Variants in RBMXL3 observed in about 807,000 individuals in gnomAD.
RBMXL3 encodes RBMX like 3.
In RBMXL3, 2 loss-of-function variants were observed where a neutral mutation model predicts 0.8. That is an observed-to-expected ratio of 2.54 (90% CI 1.04 to 8.00). The LOEUF (loss-of-function observed/expected upper bound fraction) is 8.00, where lower values mean the gene tolerates loss of function less well. Among genes scored for constraint, RBMXL3 ranks in the 30% most tolerant of loss-of-function variants. The pLI is 0.04. For missense variants in RBMXL3, 1,127 were observed against 1,068.0 expected, an observed-to-expected ratio of 1.06 and a Z score of -0.77; for synonymous variants, 447 against 449.8, an observed-to-expected ratio of 0.99 and a Z score of 0.08.
In RBMXL3 at chrX:115,189,908, A is replaced by T; in HGVS notation, c.467A>T (p.His156Leu). 1 of 1,160,215 alleles carries T rather than the reference A, an allele frequency of 8.6e-7. No homozygotes were observed. Among genetic ancestry groups the T allele is most frequent in the Non-Finnish European group, 1.2e-6 (1 of 869,310 alleles). ...MPRKRGPPPR[H>L]WASPPHKRAT... ...AGGAAGCGCGGGCCGCCACCGCGGC[A>T]CTGGGCCAGCCCACCCCACAAGAGG... Residue 156 changes from histidine to leucine, a missense_variant, in exon 1 of 1, where the codon CAC becomes CTC. By Grantham distance (99) the His-to-Leu change is moderately conservative. Coordinates refer to ENST00000424776, the MANE Select transcript of RBMXL3 (RefSeq NM_001145346.2).
chrX:115,192,264 C>A lies in RBMXL3; in HGVS notation c.2823C>A (p.His941Gln), dbSNP rs1160475663. ...CCAACAACAGTCATGGCCGGAGCCA[C>A]CGCTACGGAGGAGGAGGCCGCTACG... ...NSSNNSHGRS[H>Q]RYGGGGRYEE... Residue 941 changes from histidine to glutamine, a missense_variant, in exon 1 of 1, where the codon CAC (histidine) becomes CAA (glutamine). Transcript: ENST00000424776. 6 of 1,165,054 alleles carry A rather than the reference C, an allele frequency of 5.1e-6. No individual in the cohort carries two copies. The African/African-American group carries it at 1.1e-4, about 21-fold the overall frequency.
Position 115,189,750 on chromosome X carries a change from T to C in RBMXL3, c.309T>C (p.Ser103=), listed in dbSNP as rs2072767656. The part of the protein sequence containing the change: ...RWVPPTPGSG[S]RSRFSHRTRG... ...TCCCGCCAACCCCCGGCAGCGGCAG[T>C]CGCTCAAGGTTCTCACACAGAACCC... is the stretch of plus-strand genomic sequence containing the variant. The change falls in exon 1 of 1, where the codon AGT becomes AGC. Residue 103 remains serine (S), a synonymous_variant. Coordinates refer to ENST00000424776, the MANE Select transcript of RBMXL3 (RefSeq NM_001145346.2). 8.6e-7 allele frequency: 1 copy of C among 1,165,326 alleles called. No individual in the cohort carries two copies. Among genetic ancestry groups the C allele is most frequent in the Non-Finnish European group, 1.1e-6 (1 of 872,027 alleles).
rs782778691 is a variant in RBMXL3 at position 115,192,312 on chromosome X, T to C, written c.2871T>C (p.Pro957=). The C allele has an allele frequency of 5.2e-6, 6 of 1,152,890 alleles. No homozygotes were observed. The Admixed American group carries it at 8.0e-5, about 15-fold the overall frequency. The change falls in exon 1 of 1, where the codon CCT becomes CCC. Residue 957 remains proline, a synonymous_variant. Coordinates refer to ENST00000424776, the MANE Select transcript of RBMXL3 (RefSeq NM_001145346.2). The stretch of plus-strand genomic sequence containing the variant: ...ACGAGGAGTACCGAGGCCCCTCGCC[T>C]GACGCCCACAGTGGGGGCCGCGACA... The part of the protein sequence containing the change: ...GRYEEYRGPS[P]DAHSGGRDSS...
rs782396163 is a variant in RBMXL3 at position 115,190,176 on chromosome X, G to A, written c.735G>A (p.Pro245=). The A allele has an allele frequency of 2.8e-5, 33 of 1,165,197 alleles. No homozygotes were observed. The highest frequency in any genetic ancestry group is 5.7e-5 in the South Asian group (3 of 52,574). ...SGPRVREPLP[P]CRDPGDFVPA... ...CGCGGGTCCGGGAGCCACTGCCCCC[G>A]TGCCGCGACCCTGGGGATTTTGTCC... The change falls in exon 1 of 1, where the codon CCG becomes CCA. Residue 245 remains proline (P), a synonymous_variant. Coordinates refer to ENST00000424776, the MANE Select transcript of RBMXL3 (RefSeq NM_001145346.2).
Position 115,190,807 on chromosome X carries a change from C to A in RBMXL3, c.1366C>A (p.His456Asn). 8.7e-7 allele frequency: 1 copy of A among 1,155,461 alleles called. No homozygotes were observed. The highest frequency in any genetic ancestry group is 1.2e-6 in the Non-Finnish European group (1 of 866,513). Residue 456 changes from histidine to asparagine, a missense_variant, in exon 1 of 1, where the codon CAT (histidine) becomes AAT (asparagine). By Grantham distance (68) the His-to-Asn change is moderately conservative. Coordinates refer to ENST00000424776, the MANE Select transcript of RBMXL3 (RefSeq NM_001145346.2). ...GTCCGACGACGCCTACAGTGGGGGC[C>A]ATGACAGTTCCAGCTGGAGCGACTG... ...GRSDDAYSGG[H>N]DSSSWSDCCG...
At position 115,189,996 on chromosome X, in the gene RBMXL3, G is replaced by A. The variant is rs1556556738; in HGVS notation, c.555G>A (p.Val185=). The change falls in exon 1 of 1, where the codon GTG becomes GTA. Residue 185 remains valine, a synonymous_variant. Coordinates refer to ENST00000424776, the MANE Select transcript of RBMXL3 (RefSeq NM_001145346.2). ...GCGMRGKAPT[V]SGQDGYSGLQ... is the part of the protein sequence containing the mutation. ...GAATGCGCGGGAAGGCACCGACTGT[G>A]TCGGGGCAAGATGGCTACTCAGGCT... The A allele has an allele frequency of 5.2e-6, 6 of 1,162,516 alleles. No homozygotes were observed. In the South Asian group the frequency reaches 1.1e-4, roughly 22 times the overall value.
In RBMXL3 at chrX:115,191,168, A is replaced by G. The variant is rs2072808939; in HGVS notation, c.1727A>G (p.His576Arg). The change falls in exon 1 of 1, where the codon CAC becomes CGC. Residue 576 changes from histidine (H) to arginine (R), a missense_variant. By Grantham distance (29) the His-to-Arg change is conservative (BLOSUM62 0). Coordinates refer to ENST00000424776, the MANE Select transcript of RBMXL3 (RefSeq NM_001145346.2). ...GCSADAYSGG[H>R]DSSSQSNRYG... ...TCTGCCGACGCCTACAGTGGGGGCC[A>G]CGACAGTTCCAGCCAGAGCAACCGC... 10 of 1,165,846 alleles carry G rather than the reference A, an allele frequency of 8.6e-6. No individual in the cohort carries two copies. The highest frequency in any genetic ancestry group is 1.0e-5 in the Non-Finnish European group (9 of 872,480).
At position 115,191,545 on chromosome X, in the gene RBMXL3, T is replaced by C. The variant is rs1230168460; in HGVS notation, c.2104T>C (p.Tyr702His). The change falls in exon 1 of 1, where the codon TAT becomes CAT. Residue 702 changes from tyrosine (Y) to histidine (H), a missense_variant. Transcript: ENST00000424776. ...CGACAGTTCCAGCCAGAGCAACCGC[T>C]ATGGAGGAGGCGGCCGCTACGAGGA... Reference protein sequence around the residue: ...GHDSSSQSNRYGGGGRYEEYR... With the variant: ...GHDSSSQSNRHGGGGRYEEYR... 5.4e-6 allele frequency: 6 copies of C among 1,115,192 alleles called. No homozygotes were observed. Among genetic ancestry groups the C allele is most frequent in the Non-Finnish European group, 7.1e-6 (6 of 845,002 alleles). The allele number at this position is 1,115,192 out of a possible 1,213,427, so 91.9% of individuals were successfully genotyped here.
rs1556561418 is a variant in RBMXL3 at position 115,192,482 on chromosome X, G to A, written c.3041G>A (p.Gly1014Asp). 19 of 1,171,121 alleles carry A rather than the reference G, an allele frequency of 1.6e-5. 1 individual carries two copies. The highest frequency in any genetic ancestry group is 2.2e-5 in the Non-Finnish European group (19 of 875,021). Reference sequence around the variant, plus strand: ...GGCCGGAGCGACCGCTACTCGAGGGGTCGAGACCGGGTAGGCAGACCGGAT... The same window carrying A: ...GGCCGGAGCGACCGCTACTCGAGGGATCGAGACCGGGTAGGCAGACCGGAT... Reference protein sequence around the residue: ...SYGRSDRYSRGRDRVGRPDRG... With the variant: ...SYGRSDRYSRDRDRVGRPDRG... The change falls in exon 1 of 1, where the codon GGT (glycine) becomes GAT (aspartate). Residue 1014 changes from glycine (G) to aspartate (D), a missense_variant. By Grantham distance (94) the Gly-to-Asp change is moderately conservative. Coordinates refer to ENST00000424776, the MANE Select transcript of RBMXL3 (RefSeq NM_001145346.2).
rs1046374810 is a variant in RBMXL3 at position 115,190,200 on chromosome X, C to G, written c.759C>G (p.Val253=). The part of the protein sequence containing the change: ...LPPCRDPGDF[V]PALRDYSRRY... ...CGTGCCGCGACCCTGGGGATTTTGT[C>G]CCTGCGCTCAGAGACTACAGCCGCC... The change falls in exon 1 of 1, where the codon GTC becomes GTG. Residue 253 remains valine (V), a synonymous_variant. Transcript: ENST00000424776. 8.6e-7 allele frequency: 1 copy of G among 1,165,516 alleles called. No homozygotes were observed. Among genetic ancestry groups the G allele is most frequent in the African/African-American group, 1.8e-5 (1 of 56,120 alleles).
At position 115,191,868 on chromosome X, in the gene RBMXL3, C is replaced by G. The variant is rs781842556; in HGVS notation, c.2427C>G (p.Asn809Lys). The G allele has an allele frequency of 1.7e-6, 2 of 1,161,537 alleles. No individual in the cohort carries two copies. Among genetic ancestry groups the G allele is most frequent in the Non-Finnish European group, 2.3e-6 (2 of 870,601 alleles). Reference protein sequence around the residue: ...YSGGHNSSSRNDPCRGGGRYE... With the variant: ...YSGGHNSSSRKDPCRGGGRYE... ...GGGGCCACAACAGTTCCAGCCGGAA[C>G]GACCCCTGCAGAGGAGGAGGCCGCT... is the stretch of plus-strand genomic sequence containing the variant. Residue 809 changes from asparagine (N) to lysine (K), a missense_variant, in exon 1 of 1, where the codon AAC becomes AAG. Coordinates refer to ENST00000424776, the MANE Select transcript of RBMXL3 (RefSeq NM_001145346.2).
rs868973872 is a variant in RBMXL3, at chrX:115,190,841, G to A, written c.1400G>A (p.Gly467Glu). 2 of 1,153,178 alleles carry A rather than the reference G, an allele frequency of 1.7e-6. No homozygotes were observed. Among genetic ancestry groups the A allele is most frequent in the African/African-American group, 1.8e-5 (1 of 55,300 alleles). Residue 467 changes from glycine (G) to glutamate (E), a missense_variant, in exon 1 of 1, where the codon GGA becomes GAA. Gly to Glu is a moderately conservative substitution (Grantham distance 98). Coordinates refer to ENST00000424776, the MANE Select transcript of RBMXL3 (RefSeq NM_001145346.2). ...TCCAGCTGGAGCGACTGCTGCGGAG[G>A]AGGAGGCCGTTATGAGGAGTACCAA... ...DSSSWSDCCG[G>E]GGRYEEYQGR...
rs782703250 is a variant in RBMXL3 at position 115,192,377 on chromosome X, G to A, written c.2936G>A (p.Gly979Glu). 3.5e-6 allele frequency: 4 copies of A among 1,159,234 alleles called. No individual in the cohort carries two copies. The highest frequency in any genetic ancestry group is 2.6e-5 in the Admixed American group (1 of 38,239). The change falls in exon 1 of 1, where the codon GGA becomes GAA. Residue 979 changes from glycine to glutamate, a missense_variant. Physicochemically the swap from Gly to Glu is moderately conservative, Grantham distance 98 (BLOSUM62 -2). Transcript: ENST00000424776. ...TACGGCCTGAGCGACCGCTACGGAG[G>A]AGGAGGCCACTACGAGGAGTACCAG... ...KSYGLSDRYG[G>E]GGHYEEYQGS...
Position 115,190,820 on chromosome X carries a change from G to A in RBMXL3, c.1379G>A (p.Ser460Asn). The A allele has an allele frequency of 8.7e-7, 1 of 1,155,263 alleles. No homozygotes were observed. The highest frequency in any genetic ancestry group is 1.2e-6 in the Non-Finnish European group (1 of 865,852). ...DAYSGGHDSSSWSDCCGGGGR... is the reference protein window; with the variant it reads ...DAYSGGHDSSNWSDCCGGGGR... ...TACAGTGGGGGCCATGACAGTTCCA[G>A]CTGGAGCGACTGCTGCGGAGGAGGA... The change falls in exon 1 of 1, where the codon AGC becomes AAC. Residue 460 changes from serine to asparagine, a missense_variant. By Grantham distance (46) the Ser-to-Asn change is conservative. Transcript: ENST00000424776.
At position 115,189,743 on chromosome X, in the gene RBMXL3, G is replaced by A. The variant is rs1556556353; in HGVS notation, c.302G>A (p.Ser101Asn). 8.6e-7 allele frequency: 1 copy of A among 1,166,683 alleles called. No homozygotes were observed. Among genetic ancestry groups the A allele is most frequent in the South Asian group, 1.9e-5 (1 of 52,771 alleles). The change falls in exon 1 of 1, where the codon AGC becomes AAC. Residue 101 changes from serine (S) to asparagine (N), a missense_variant. Ser to Asn is a conservative substitution (Grantham distance 46). Coordinates refer to ENST00000424776, the MANE Select transcript of RBMXL3 (RefSeq NM_001145346.2). ...SSRWVPPTPG[S>N]GSRSRFSHRT... Reference sequence around the variant, plus strand: ...CGATGGGTCCCGCCAACCCCCGGCAGCGGCAGTCGCTCAAGGTTCTCACAC... The same window carrying A: ...CGATGGGTCCCGCCAACCCCCGGCAACGGCAGTCGCTCAAGGTTCTCACAC...
At position 115,191,586 on chromosome X, in the gene RBMXL3, G is replaced by A. The variant is rs1246110565; in HGVS notation, c.2145G>A (p.Ser715=). Residue 715 remains serine (S), a synonymous_variant, in exon 1 of 1, where the codon TCG becomes TCA. Transcript: ENST00000424776. ...GCTACGAGGAGTACCGAGGCCACTC[G>A]CTTGATGCCAACAGCGGAGGCCGCT... The part of the protein sequence containing the change: ...GGRYEEYRGH[S]LDANSGGRSP... The A allele has an allele frequency of 1.0e-5, 11 of 1,072,864 alleles. No homozygotes were observed. Among genetic ancestry groups the A allele is most frequent in the African/African-American group, 4.0e-5 (2 of 49,617 alleles). The allele number at this position is 1,072,864 out of a possible 1,213,427, so 88.4% of individuals were successfully genotyped here. A position where few individuals can be genotyped will look rare whatever the true frequency, so the allele number is the denominator to read the frequency against.
rs923428308 is a variant in RBMXL3 at position 115,191,689 on chromosome X, G to A, written c.2248G>A (p.Ala750Thr). ...HYGGGGRSLD[A>T]NSSGRLPDAY... ...TGGAGGAGGAGGTCGCTCACTCGAT[G>A]CCAACAGCAGTGGCCGCTTGCCTGA... Residue 750 changes from alanine (A) to threonine (T), a missense_variant, in exon 1 of 1, where the codon GCC (alanine) becomes ACC (threonine). Transcript: ENST00000424776. 4 of 1,164,333 alleles carry A rather than the reference G, an allele frequency of 3.4e-6. No homozygotes were observed. The highest frequency in any genetic ancestry group is 4.6e-6 in the Non-Finnish European group (4 of 872,213).
Position 115,192,460 on chromosome X carries a change from C to G in RBMXL3, c.3019C>G (p.Arg1007Gly). ...DHDRSSNSYG[R>G]SDRYSRGRDR... Reference sequence around the variant, plus strand: ...CGACAGATCCAGCAACAGTTACGGCCGGAGCGACCGCTACTCGAGGGGTCG... The same window carrying G: ...CGACAGATCCAGCAACAGTTACGGCGGGAGCGACCGCTACTCGAGGGGTCG... The change falls in exon 1 of 1, where the codon CGG becomes GGG. Residue 1007 changes from arginine to glycine, a missense_variant. Transcript: ENST00000424776. The G allele has an allele frequency of 2.6e-6, 3 of 1,169,532 alleles. No homozygotes were observed. Among genetic ancestry groups the G allele is most frequent in the Non-Finnish European group, 3.4e-6 (3 of 873,880 alleles).
rs1368310179 is a variant in RBMXL3 at position 115,190,585 on chromosome X, C to T, written c.1144C>T (p.Arg382Cys). ...CAGTAACGGTTACAGCCGGAGTGAC[C>T]GCTACGGAGAAGAAGGCTGCTACGA... ...SSSNGYSRSD[R>C]YGEEGCYEEY... Residue 382 changes from arginine to cysteine, a missense_variant, in exon 1 of 1, where the codon CGC becomes TGC. Coordinates refer to ENST00000424776, the MANE Select transcript of RBMXL3 (RefSeq NM_001145346.2). 9.1e-5 allele frequency: 35 copies of T among 383,201 alleles called. No individual in the cohort carries two copies. Among genetic ancestry groups the T allele is most frequent in the Middle Eastern group, 2.0e-3 (2 of 1,008 alleles). 31.6% of individuals were successfully genotyped at this position (383,201 alleles called of 1,213,427 possible).
Sources: allele counts gnomAD v4.1 joint callset, GRCh38; gene constraint gnomAD v4.1.1; transcripts MANE v1.5; gene names NCBI Gene and HGNC (gene_info 2026-07-23, HGNC 2026-07-21).